The following MKLN1 variants were observed in gnomAD, a reference collection of about 807,000 sequenced individuals.
MKLN1 encodes the protein muskelin 1, also known as muskelin.
A neutral mutation model predicts 99.0 loss-of-function variants in MKLN1; 18 were observed. That is an observed-to-expected ratio of 0.18 (90% CI 0.13 to 0.27). MKLN1 has a LOEUF of 0.27. MKLN1 is among the 10% of genes least tolerant of loss of function. MKLN1 has a pLI of 1.00. For synonymous variants in MKLN1, 288 were observed against 293.2 expected (o/e 0.98, Z 0.18); for missense variants, 621 against 875.9 (o/e 0.71, Z 3.67).
chr7:131,169,083 C>A (rs1022683285), intron 2 of MKLN1, among the ~76,000 whole-genome samples: 1 of 152,168 alleles, frequency 6.6e-6, no homozygotes, highest in Admixed American at 6.5e-5. Context: ...CCAGGCTGGT[C>A]TCCAACTCAT....
chr7:131,189,710 A>T (rs1247991739), intron 2 of MKLN1, among the ~76,000 whole-genome samples: 1 of 152,172 alleles, frequency 6.6e-6, no homozygotes, highest in South Asian at 2.1e-4. Context: ...TAATAGCAGT[A>T]GTGAGTGGGG....
chr7:131,118,344 A>ACTTG (rs1795309480), intron 1 of MKLN1, among the ~76,000 whole-genome samples: 1 of 152,200 alleles, frequency 6.6e-6, no homozygotes, highest in African/African-American at 2.4e-5. Flanking sequence ...ACCTGAGGTC[A>ACTTG]GGAGTTCGAG....
chr7:131,343,704 A>C (rs1490994584), intron 1 of MKLN1, among the ~76,000 whole-genome samples: 3 of 152,058 alleles, frequency 2.0e-5, no homozygotes. Context: ...AACTCTTTGA[A>C]TTTTATTTTA....
chr7:131,161,620 C>T (rs918960122), intron 2 of MKLN1, among the ~76,000 whole-genome samples: 13 of 151,940 alleles, frequency 8.6e-5, no homozygotes, highest in Non-Finnish European at 1.5e-4. Context: ...GGTGCGATCT[C>T]GGCTCACTGC....
intron 3 of MKLN1, among the ~76,000 whole-genome samples, chr7:131,257,714 A>G (rs1219680746): frequency 1.3e-5 from 2 of 151,740 alleles, no homozygotes; most frequent in Non-Finnish European, 2.9e-5. Context: ...GAGGAAGGAG[A>G]GGAGAAGGGA....
chr7:131,332,377 CTT>C (rs1345027602), intron 1 of MKLN1, among the ~76,000 whole-genome samples: 1 of 147,978 alleles, frequency 6.8e-6, no homozygotes, highest in African/African-American at 2.5e-5. Context: ...TTCTTTTCTT[CTT>C]TGTCTCTACA....
intron 1 of MKLN1, among the ~76,000 whole-genome samples, chr7:131,333,049 A>G (rs1269277624): frequency 2.6e-5 from 4 of 151,962 alleles, no homozygotes; most frequent in Non-Finnish European, 5.9e-5. Flanking sequence ...TCAGCCTCCT[A>G]AGTAGCTGGT....
intron 17 of MKLN1, among the ~76,000 whole-genome samples, chr7:131,485,606 A>G (rs895686177): frequency 1.3e-5 from 2 of 152,116 alleles, no homozygotes; most frequent in African/African-American, 2.4e-5. Context: ...AGTTAACATC[A>G]TCAGTATTGG....
chr7:131,176,136 A>C (rs1039469052), intron 2 of MKLN1, among the ~76,000 whole-genome samples: 1 of 152,158 alleles, frequency 6.6e-6, no homozygotes, highest in Non-Finnish European at 1.5e-5. Flanking sequence ...AACATTGAAT[A>C]TTTGTAATTT....
In MKLN1 at chr7:131,288,986, A is replaced by T. The variant is rs545534450; in HGVS notation, c.-179+86012A>T. Among the ~76,000 whole-genome samples the T allele has an allele frequency of 6.6e-5, 10 of 152,214 alleles. No individual in the cohort carries two copies. The East Asian group carries it at 1.3e-3, about 21-fold the overall frequency. ...GGCAGAGCCTTCTTTTAAAAAAAAA[A>T]ATTATTTTTTTAAAGTAGAAGTAAA... On this transcript the variant is annotated intron_variant, in intron 3 of 7. Transcript: ENST00000416992.
At chr7:131,410,006 GA>G (rs1286047770) in intron 6 of MKLN1, among the ~76,000 whole-genome samples, 1 of 152,086 alleles carries the variant, frequency 6.6e-6, no homozygotes, top group Non-Finnish European at 1.5e-5. Context: ...TAGAAGTAAG[GA>G]AAAATTGCCT....
At chr7:131,174,805 T>TA (rs1221710298) in intron 2 of MKLN1, among the ~76,000 whole-genome samples, 6 of 152,274 alleles carry the variant, frequency 3.9e-5, no homozygotes, top group African/African-American at 7.2e-5. Context: ...CAAGTTGAAT[T>TA]AAAAAAATTC....
rs1797469286 is a variant in MKLN1 at position 131,493,145 on chromosome 7, G to C, written c.*5417G>C. On this transcript the variant is annotated 3_prime_UTR_variant, in exon 18 of 18. Coordinates refer to ENST00000352689, the MANE Select transcript of MKLN1 (RefSeq NM_013255.5). ...CTGTAGGATCAATGGCAAAAAAGGG[G>C]AAATGTTTGGTAGGGAATTGGACCA... 6.6e-6 allele frequency: 1 copy of C among 152,198 alleles called. No homozygotes were observed. The highest frequency in any genetic ancestry group is 2.4e-5 in the African/African-American group (1 of 41,454). 9.4% of individuals were successfully genotyped at this position (152,198 alleles called of 1,614,324 possible).
intron 2 of MKLN1, among the ~76,000 whole-genome samples, chr7:131,161,710 C>A (rs1796051474): frequency 6.6e-6 from 1 of 151,858 alleles, no homozygotes; most frequent in Non-Finnish European, 1.5e-5. Flanking sequence ...CGCCACCACG[C>A]CCAGCTAATT....
At chr7:131,319,162 A>G (rs1798724638) in intron 3 of MKLN1, among the ~76,000 whole-genome samples, 1 of 152,230 alleles carries the variant, frequency 6.6e-6, no homozygotes, top group African/African-American at 2.4e-5. Context: ...TTTCAGGCCA[A>G]TATCCCTGAT....
intron 1 of MKLN1, among the ~76,000 whole-genome samples, chr7:131,368,374 C>T (rs1563314385): frequency 6.6e-6 from 1 of 152,048 alleles, no homozygotes; most frequent in South Asian, 2.1e-4. Context: ...TGTGTTAGTA[C>T]GTTCTCACAC....
In MKLN1 at chr7:131,136,551, GC is replaced by G. The variant is rs140364809; in HGVS notation, c.-418-6268del. On this transcript the variant is annotated intron_variant, in intron 1 of 7. Coordinates refer to the MKLN1 transcript ENST00000416992. The stretch of plus-strand genomic sequence containing the variant: ...GTGTCATTTTCCTCAAATGGTCAAA[GC>G]TTCAAAAGGCACTTTGGTACCGATT... 6.6e-3 allele frequency among the ~76,000 whole-genome samples: 998 copies of G among 152,230 alleles called. 5 individuals are homozygous for G. Among genetic ancestry groups the G allele is most frequent in the African/African-American group, 0.023 (954 of 41,544 alleles).
rs559547145 is a variant in MKLN1 at position 131,116,133 on chromosome 7, A to G, written c.-419+5926A>G. The stretch of plus-strand genomic sequence containing the variant: ...ATCCTGACTAACATGGTGAAACCCC[A>G]TCTCCACTAAAAAGACAAAAAATTA... On this transcript the variant is annotated intron_variant, in intron 1 of 7. Transcript: ENST00000416992. Among the ~76,000 whole-genome samples the G allele has an allele frequency of 1.8e-3, 268 of 151,548 alleles. 5 individuals are homozygous for G. The highest frequency in any genetic ancestry group is 0.014 in the Middle Eastern group (4 of 294).
At chr7:131,421,746 C>T (rs1795199755) in intron 8 of MKLN1, among the ~76,000 whole-genome samples, 1 of 151,896 alleles carries the variant, frequency 6.6e-6, no homozygotes, top group African/African-American at 2.4e-5. Context: ...CAAAATTTCA[C>T]TATGGAAATG....
Sources: gnomAD v4.1 joint callset for allele counts (sites outside exome capture counted in the v4.1 genomes callset) on GRCh38, gnomAD v4.1.1 for gene constraint, MANE v1.5 for transcripts, NCBI Gene and HGNC (gene_info 2026-07-23, HGNC 2026-07-21) for gene names.